Variants in ZNF326 observed in about 807,000 individuals in gnomAD.
ZNF326 encodes zinc finger protein 326.
Under a neutral mutation model 63.1 loss-of-function variants are expected in ZNF326, and 30 were observed. The ratio of observed to expected loss-of-function variants is 0.48; its 90% CI spans 0.36 to 0.64. ZNF326 has a LOEUF of 0.64. Ranked by LOEUF, ZNF326 falls within the 30% of genes least tolerant of loss-of-function variation. The pLI, the probability that ZNF326 is intolerant of heterozygous loss-of-function variation, is 0.00. For synonymous variants in ZNF326, 194 were observed against 228.2 expected, an observed-to-expected ratio of 0.85 and a Z score of 1.35; for missense variants, 609 against 720.3, an observed-to-expected ratio of 0.85 and a Z score of 1.77.
chr1:90,010,428 T>C (rs1214547233), intron 6 of ZNF326, 142 bp downstream of exon 6: 1 of 862,460 alleles, frequency 1.2e-6, no homozygotes. Flanking sequence ...AAATCCCCTA[T>C]TGCAGTTAAT....
intron 2 of ZNF326, among the ~76,000 whole-genome samples, chr1:90,004,439 T>C (rs1648856129): frequency 6.6e-6 from 1 of 152,246 alleles, no homozygotes; most frequent in Admixed American, 6.5e-5. Context: ...CCTTTGACTT[T>C]ATTAAATGCT....
At chr1:90,014,588 C>T (rs1183254266) in intron 7 of ZNF326, among the ~76,000 whole-genome samples, 2 of 152,146 alleles carry the variant, frequency 1.3e-5, no homozygotes, top group African/African-American at 2.4e-5. Flanking sequence ...TAACTATTAG[C>T]AATTTAGCAG....
chr1:90,027,615 G>A lies in ZNF326; in HGVS notation c.1663G>A (p.Glu555Lys), dbSNP rs760578156. 58 of 1,613,198 alleles carry A rather than the reference G, an allele frequency of 3.6e-5. No homozygotes were observed. The highest frequency in any genetic ancestry group is 4.7e-5 in the Non-Finnish European group (55 of 1,179,718). Residue 555 changes from glutamate (E) to lysine (K), a missense_variant, in exon 12 of 12, where the codon GAA becomes AAA. By Grantham distance (56) the Glu-to-Lys change is moderately conservative (BLOSUM62 1). Around this residue, in one of 3 missense-constraint regions of ZNF326, gnomAD observed 399 missense variants for 444.3 expected, o/e 0.90. Coordinates refer to ENST00000340281, the MANE Select transcript of ZNF326 (RefSeq NM_182976.4). ...GVVGEVEGVG[E>K]VEEVEELEEE... ...AGTGGGAGAAGTAGAGGGAGTGGGG[G>A]AAGTAGAGGAAGTAGAGGAATTAGA...
intron 11 of ZNF326, among the ~76,000 whole-genome samples, chr1:90,025,346 G>A (rs1649966904): frequency 6.6e-6 from 1 of 152,100 alleles, no homozygotes; most frequent in Non-Finnish European, 1.5e-5. Flanking sequence ...GCCCAGGCTG[G>A]AGTGCAGTGG....
chr1:90,008,409 G>C (rs1171926396), intron 5 of ZNF326, among the ~76,000 whole-genome samples: 1 of 152,120 alleles, frequency 6.6e-6, no homozygotes, highest in Non-Finnish European at 1.5e-5. Context: ...ATTTCCACCT[G>C]TACAGATATG....
intron 6 of ZNF326, among the ~76,000 whole-genome samples, chr1:90,011,994 G>T (rs535458456): frequency 6.6e-6 from 1 of 152,060 alleles, no homozygotes; most frequent in East Asian, 1.9e-4. Flanking sequence ...GCACCACCAC[G>T]CCCAGCTAAT....
intron 4 of ZNF326, chr1:90,006,272 A>G (rs2101062060): frequency 2.0e-6 from 2 of 982,462 alleles, no homozygotes; most frequent in East Asian, 1.1e-4. Flanking sequence ...TCAGAAGTAA[A>G]TCTATTTAGT....
intron 5 of ZNF326, among the ~76,000 whole-genome samples, chr1:90,009,218 AGAT>A (rs1649126642): frequency 1.3e-5 from 2 of 152,176 alleles, no homozygotes; most frequent in African/African-American, 4.8e-5. Flanking sequence ...TTAGTGAAGT[AGAT>A]GAGCCAATAG....
At chr1:89,996,157 CCTTG>C (rs1381647127) in intron 1 of ZNF326, among the ~76,000 whole-genome samples, 2 of 152,138 alleles carry the variant, frequency 1.3e-5, no homozygotes, top group African/African-American at 4.8e-5. Flanking sequence ...TGTTTTCAAA[CCTTG>C]CTTGGAATTG....
intron 7 of ZNF326, 79 bp downstream of exon 7, chr1:90,013,316 A>G (rs1570308592): frequency 9.0e-7 from 1 of 1,114,126 alleles, no homozygotes; most frequent in East Asian, 2.8e-5. Flanking sequence ...TTGTAATATT[A>G]AAAAGTTCTT....
intron 5 of ZNF326, among the ~76,000 whole-genome samples, chr1:90,008,636 A>G (rs1362170308): frequency 6.6e-6 from 1 of 152,150 alleles, no homozygotes; most frequent in African/African-American, 2.4e-5. Flanking sequence ...TATTTTTGTT[A>G]TAATGTAAGA....
Position 90,029,677 on chromosome 1 carries a change from A to G in ZNF326, c.*1976A>G, listed in dbSNP as rs1387043514. 6.6e-6 allele frequency: 1 copy of G among 152,214 alleles called. No individual in the cohort carries two copies. The highest frequency in any genetic ancestry group is 1.5e-5 in the Non-Finnish European group (1 of 68,038). The allele number at this position is 152,214 out of a possible 1,614,324, so 9.4% of individuals were successfully genotyped here. On this transcript the variant is annotated 3_prime_UTR_variant, in exon 12 of 12. Transcript: ENST00000340281. ...ATATGAAACTTTTGGGAAGAAAACCATTATGTAACAAGAATCCTATGTAAC... is the reference window on the plus strand; with the variant it reads ...ATATGAAACTTTTGGGAAGAAAACCGTTATGTAACAAGAATCCTATGTAAC...
At chr1:89,998,089 T>TTGTTAAATG in intron 1 of ZNF326, 21 bp from the exon 2 acceptor site, 4 of 1,607,848 alleles carry the variant, frequency 2.5e-6, no homozygotes, top group Non-Finnish European at 3.4e-6. Context: ...TAATTCCTTT[T>TTGTTAAATG]TGTTAAATGT....
chr1:90,005,155 T>A lies in ZNF326; in HGVS notation c.120T>A (p.His40Gln). The A allele has an allele frequency of 6.2e-7, 1 of 1,614,084 alleles. No homozygotes were observed. Among genetic ancestry groups the A allele is most frequent in the Non-Finnish European group, 8.5e-7 (1 of 1,179,980 alleles). Residue 40 changes from histidine (H) to glutamine (Q), a missense_variant, in exon 4 of 12, where the codon CAT (histidine) becomes CAA (glutamine). Physicochemically the swap from His to Gln is conservative, Grantham distance 24 (BLOSUM62 0). This residue lies in a region of ZNF326 where 97 missense variants were observed against 88.7 expected (regional missense o/e 1.09). Coordinates refer to ENST00000340281, the MANE Select transcript of ZNF326 (RefSeq NM_182976.4). ...TAGGGATGGATCGTGACTATGGCCA[T>A]GGATCCTATGGGGGTCAGAGATCCA... ...SYGGMDRDYGHGSYGGQRSMD... is the reference protein window; with the variant it reads ...SYGGMDRDYGQGSYGGQRSMD...
chr1:89,995,653 C>T (rs1349445081), intron 1 of ZNF326, among the ~76,000 whole-genome samples: 2 of 152,266 alleles, frequency 1.3e-5, no homozygotes, highest in Non-Finnish European at 2.9e-5. Context: ...GCATTCGCCC[C>T]ACAGGGCAGC....
chr1:90,016,220 A>C (rs1413727544), intron 7 of ZNF326, among the ~76,000 whole-genome samples: 1 of 152,132 alleles, frequency 6.6e-6, no homozygotes, highest in Admixed American at 6.5e-5. Context: ...ACCAAGGCCC[A>C]GAAAACCAAG....
At chr1:90,017,695 C>G (rs1274702703) in intron 8 of ZNF326, among the ~76,000 whole-genome samples, 1 of 152,180 alleles carries the variant, frequency 6.6e-6, no homozygotes, top group Admixed American at 6.6e-5. Context: ...CGGGAGGTGT[C>G]CTTTAACAAC....
intron 11 of ZNF326, 149 bp from the exon 12 acceptor site, chr1:90,027,205 C>T: frequency 1.3e-6 from 1 of 741,546 alleles, no homozygotes; most frequent in Non-Finnish European, 2.2e-6. Context: ...AATGGACAGT[C>T]AACAAATACT....
chr1:90,015,910 T>G (rs944096939), intron 7 of ZNF326, among the ~76,000 whole-genome samples: 1 of 152,120 alleles, frequency 6.6e-6, no homozygotes, highest in Non-Finnish European at 1.5e-5. Context: ...TAATCTAATT[T>G]AAACATTTAA....
Sources: allele counts gnomAD v4.1 joint callset (sites outside exome capture counted in the v4.1 genomes callset), GRCh38; gene constraint gnomAD v4.1.1; regional missense constraint gnomAD v4.1.1; transcripts MANE v1.5; gene names NCBI Gene and HGNC (gene_info 2026-07-23, HGNC 2026-07-21).